LPXN: variants seen among roughly 807,000 people sequenced by gnomAD.
The protein encoded by LPXN is leupaxin.
Under a neutral mutation model 45.6 loss-of-function variants are expected in LPXN, and 28 were observed. The ratio of observed to expected loss-of-function variants is 0.61; its 90% CI spans 0.45 to 0.84. The LOEUF is 0.84. Ranked by LOEUF, LPXN falls within the 40% of genes least tolerant of loss-of-function variation. The pLI, the probability that LPXN is intolerant of heterozygous loss-of-function variation, is 0.00. For missense variants in LPXN, 459 were observed against 475.0 expected, an observed-to-expected ratio of 0.97 and a Z score of 0.31; for synonymous variants, 166 against 169.9, an observed-to-expected ratio of 0.98 and a Z score of 0.18.
rs183941430 is a variant in LPXN, at chr11:58,552,164, G to A, written c.319-932C>T. Reference sequence around the variant, plus strand: ...GAACTAAGTGTTGACAAGCAAGAGTGAATACAGGGAGATTTTCAGATAATG... The same window carrying A: ...GAACTAAGTGTTGACAAGCAAGAGTAAATACAGGGAGATTTTCAGATAATG... On this transcript the variant is annotated intron_variant, in intron 4 of 8. Transcript: ENST00000395074. Among the ~76,000 whole-genome samples, 50 of 152,298 alleles carry A rather than the reference G, an allele frequency of 3.3e-4. 1 individual carries two copies. Among genetic ancestry groups the A allele is most frequent in the Admixed American group, 3.1e-3 (48 of 15,296 alleles).
At chr11:58,567,470 C>T (rs755745879) in intron 2 of LPXN, among the ~76,000 whole-genome samples, 4 of 152,142 alleles carry the variant, frequency 2.6e-5, no homozygotes, top group Non-Finnish European at 5.9e-5. Flanking sequence ...GAAAATCACT[C>T]ATTAATTATT....
intron 1 of LPXN, among the ~76,000 whole-genome samples, chr11:58,574,925 C>T (rs1190012051): frequency 2.6e-5 from 4 of 152,124 alleles, no homozygotes; most frequent in Non-Finnish European, 5.9e-5. Flanking sequence ...TCCCCAAACA[C>T]ACCCCAAACC....
intron 1 of LPXN, among the ~76,000 whole-genome samples, chr11:58,571,400 A>G (rs966146440): frequency 2.6e-5 from 4 of 151,934 alleles, no homozygotes; most frequent in African/African-American, 9.7e-5. Context: ...GCTTTTTTCT[A>G]TCAGAAAAAT....
chr11:58,562,886 C>T (rs1854420506), intron 3 of LPXN, among the ~76,000 whole-genome samples: 1 of 152,158 alleles, frequency 6.6e-6, no homozygotes, highest in Admixed American at 6.5e-5. Flanking sequence ...TGGTTGAAGA[C>T]AGTGAGGACC....
At chr11:58,578,428 C>T (rs1422558262), upstream of LPXN, among the ~76,000 whole-genome samples, 1 of 152,172 alleles carries the variant, frequency 6.6e-6, no homozygotes, top group African/African-American at 2.4e-5. Context: ...GTTAACGGTG[C>T]GCATGCGCCA....
chr11:58,569,596 C>A (rs867223093), intron 2 of LPXN, among the ~76,000 whole-genome samples: 1 of 152,012 alleles, frequency 6.6e-6, no homozygotes, highest in South Asian at 2.1e-4. Flanking sequence ...CACCATATGG[C>A]CCAGGCTGGT....
intron 4 of LPXN, among the ~76,000 whole-genome samples, chr11:58,551,654 C>T (rs1854054783): frequency 2.0e-5 from 3 of 152,120 alleles, no homozygotes; most frequent in Admixed American, 2.0e-4. Context: ...GACCAAGTGT[C>T]TGGCCTCATG....
At chr11:58,528,669 T>C (rs1853300324) in intron 7 of LPXN, among the ~76,000 whole-genome samples, 1 of 152,224 alleles carries the variant, frequency 6.6e-6, no homozygotes, top group South Asian at 2.1e-4. Flanking sequence ...CTAGATATTG[T>C]TGATCTTGTC....
At chr11:58,573,849 T>C (rs958018062) in intron 1 of LPXN, among the ~76,000 whole-genome samples, 1 of 152,210 alleles carries the variant, frequency 6.6e-6, no homozygotes, top group African/African-American at 2.4e-5. Flanking sequence ...TGGGAGTCTC[T>C]GAGGGTTGCA....
At chr11:58,558,540 C>CAAAAAAAAAAAAAA (rs35870490) in intron 3 of LPXN, among the ~76,000 whole-genome samples, 1 of 48,000 alleles carries the variant, frequency 2.1e-5, no homozygotes, top group African/African-American at 7.4e-5. Flanking sequence ...GAGACCCTGT[C>CAAAAAAAAAAAAAA]AAAAAAAAAA....
At chr11:58,561,422 T>A (rs1010835698) in intron 3 of LPXN, among the ~76,000 whole-genome samples, 2 of 152,170 alleles carry the variant, frequency 1.3e-5, no homozygotes, top group African/African-American at 4.8e-5. Flanking sequence ...ATCTTTTAGG[T>A]ACAACATGGC....
At chr11:58,575,996 G>A, upstream of LPXN, 2 of 1,352,736 alleles carry the variant, frequency 1.5e-6, no homozygotes, top group Non-Finnish European at 9.6e-7. Flanking sequence ...ACATAGAAAG[G>A]TAGATAGTAA....
intron 4 of LPXN, among the ~76,000 whole-genome samples, chr11:58,553,509 C>T (rs1248979438): frequency 6.6e-6 from 1 of 152,014 alleles, no homozygotes; most frequent in Non-Finnish European, 1.5e-5. Flanking sequence ...TAGACACTGG[C>T]CCATCAAAGG....
intron 7 of LPXN, among the ~76,000 whole-genome samples, chr11:58,531,152 A>C (rs1853375762): frequency 1.3e-5 from 2 of 152,150 alleles, no homozygotes; most frequent in South Asian, 4.1e-4. Flanking sequence ...TCTTCTCCAA[A>C]GGATCACAAC....
chr11:58,548,113 A>T (rs1853929906), intron 7 of LPXN, among the ~76,000 whole-genome samples: 1 of 152,214 alleles, frequency 6.6e-6, no homozygotes, highest in Non-Finnish European at 1.5e-5. Context: ...AGAATTATGA[A>T]GGAAAATAGT....
intron 4 of LPXN, among the ~76,000 whole-genome samples, chr11:58,553,463 A>G: frequency 6.6e-6 from 1 of 152,182 alleles, no homozygotes; most frequent in Non-Finnish European, 1.5e-5. Flanking sequence ...ATTTTCAGAT[A>G]TACAGCATAA....
rs370183407 is a variant in LPXN at position 58,575,703 on chromosome 11, G to A, written c.13+57C>T. 9.4e-6 allele frequency: 15 copies of A among 1,593,716 alleles called. No individual in the cohort carries two copies. The African/African-American group carries it at 2.0e-4, about 21-fold the overall frequency. ...GCCAGAAGTATACCCCACCACACAAGGAGATGGCAGCCAAGTCTTCACTCC... is the reference window on the plus strand; with the variant it reads ...GCCAGAAGTATACCCCACCACACAAAGAGATGGCAGCCAAGTCTTCACTCC... On this transcript the variant is annotated intron_variant, in intron 1 of 8. Transcript: ENST00000395074.
At chr11:58,575,524 C>G (rs930339065) in intron 1 of LPXN, among the ~76,000 whole-genome samples, 1 of 152,166 alleles carries the variant, frequency 6.6e-6, no homozygotes, top group Non-Finnish European at 1.5e-5. Context: ...GAGTTTATTC[C>G]GCGGTTAGCA....
At chr11:58,560,614 T>C (rs1012122075) in intron 3 of LPXN, among the ~76,000 whole-genome samples, 6 of 152,206 alleles carry the variant, frequency 3.9e-5, no homozygotes, top group African/African-American at 9.7e-5. Context: ...GTCTGCACTA[T>C]GCCTGACACT....
Sources: gnomAD v4.1 joint callset for allele counts (sites outside exome capture counted in the v4.1 genomes callset) on GRCh38, gnomAD v4.1.1 for gene constraint, MANE v1.5 for transcripts, NCBI Gene and HGNC (gene_info 2026-07-23, HGNC 2026-07-21) for gene names.